MACF1: variants seen among roughly 807,000 people sequenced by gnomAD.
MACF1 encodes microtubule actin crosslinking factor 1.
A neutral mutation model predicts 854.8 loss-of-function variants in MACF1; 193 were observed. That is an observed-to-expected ratio of 0.23 (90% CI 0.20 to 0.25). The LOEUF (loss-of-function observed/expected upper bound fraction) is 0.25. Ranked by LOEUF, MACF1 falls within the 10% of genes least tolerant of loss-of-function variation. The probability of loss-of-function intolerance (pLI) is 1.00; values close to 1 mark genes in which losing one functional copy is unlikely to be tolerated. For missense variants in MACF1, 7,722 were observed against 8,929.1 expected (o/e 0.86, Z 5.45); for synonymous variants, 3,185 against 3,226.7 (o/e 0.99, Z 0.44).
chr1:39,379,273 T>C lies in MACF1; in HGVS notation c.13347T>C (p.His4449=), dbSNP rs772417377. 1 of 1,613,522 alleles carries C rather than the reference T, an allele frequency of 6.2e-7. No homozygotes were observed. Among genetic ancestry groups the C allele is most frequent in the Non-Finnish European group, 8.5e-7 (1 of 1,179,808 alleles). Residue 4449 remains histidine (H), a synonymous_variant, in exon 54 of 101, where the codon CAT becomes CAC. Coordinates refer to ENST00000564288, the MANE Select transcript of MACF1 (RefSeq NM_001394062.1). ...ATGAGAAACTAGGGGGAGTACTTCATGAACGCCAGGAAAGCCTTCAGGCTA... is the reference window on the plus strand; with the variant it reads ...ATGAGAAACTAGGGGGAGTACTTCACGAACGCCAGGAAAGCCTTCAGGCTA... The part of the protein sequence containing the change: ...LKYEKLGGVL[H]ERQESLQAIL...
chr1:39,466,712 C>A (rs772936808), intron 95 of MACF1, among the ~76,000 whole-genome samples: 1 of 152,192 alleles, frequency 6.6e-6, no homozygotes, highest in Admixed American at 6.5e-5. Context: ...CTCACAGAGC[C>A]TGGGGGGCAG....
intron 2 of MACF1, among the ~76,000 whole-genome samples, chr1:39,093,924 G>T (rs574796486): frequency 6.6e-6 from 1 of 152,076 alleles, no homozygotes; most frequent in East Asian, 2.0e-4. Context: ...GATTACAGGC[G>T]TGCGCCACCA....
rs1644905849 is a variant in MACF1 at position 39,477,069 on chromosome 1, A to ATATATACACACACATATATACACTTAGTG, written c.21959-2723_21959-2722insCACACACATATATACACTTAGTGTATATA. The stretch of plus-strand genomic sequence containing the variant: ...TGTATATATATATATATATATATAT[A>ATATATACACACACATATATACACTTAGTG]TATATATATATATATATATATACAC... On this transcript the variant is annotated intron_variant, in intron 97 of 100. Transcript: ENST00000564288. 3.4e-4 allele frequency among the ~76,000 whole-genome samples: 6 copies of ATATATACACACACATATATACACTTAGTG among 17,480 alleles called. 1 individual carries two copies. Among genetic ancestry groups the ATATATACACACACATATATACACTTAGTG allele is most frequent in the African/African-American group, 1.6e-3 (5 of 3,096 alleles). 11.5% of individuals were successfully genotyped at this position (17,480 alleles called of 152,430 possible). A position where few individuals can be genotyped will look rare whatever the true frequency, so the allele number is the denominator to read the frequency against.
chr1:39,132,503 C>T (rs1643027323), intron 2 of MACF1, among the ~76,000 whole-genome samples: 1 of 152,030 alleles, frequency 6.6e-6, no homozygotes, highest in African/African-American at 2.4e-5. Flanking sequence ...ACAGGATGGC[C>T]CTGCTTGGAA....
At chr1:39,404,853 A>G (rs1642631923) in intron 58 of MACF1, among the ~76,000 whole-genome samples, 1 of 152,132 alleles carries the variant, frequency 6.6e-6, no homozygotes, top group African/African-American at 2.4e-5. Flanking sequence ...CCATCTCTGT[A>G]TATCTGAAAT....
intron 58 of MACF1, among the ~76,000 whole-genome samples, chr1:39,389,604 C>T (rs919459486): frequency 6.6e-6 from 1 of 152,000 alleles, no homozygotes. Context: ...AAGTGATCCA[C>T]CCGCCCTAGC....
At chr1:39,324,104 T>C (rs2148457190) in intron 33 of MACF1, 89 bp from the exon 34 acceptor site, 2 of 1,351,070 alleles carry the variant, frequency 1.5e-6, no homozygotes, top group Admixed American at 5.0e-5. Context: ...GTATCTGTTT[T>C]TAGGAAGACT....
At chr1:39,429,199 G>T in intron 63 of MACF1, 43 bp from the exon 64 acceptor site, 1 of 994,902 alleles carries the variant, frequency 1.0e-6, no homozygotes, top group Non-Finnish European at 1.6e-6. Flanking sequence ...TGTTTCATTT[G>T]TAGTGCCACA....
At position 39,333,753 on chromosome 1, in the gene MACF1, A is replaced by G; in HGVS notation, c.7165A>G (p.Thr2389Ala). ...ACTGTGCTCTGTAAAGGATGCAGTT[A>G]CAGTTGGACTTCTTGACAAGGAAAC... ...QTLCSVKDAV[T>A]VGLLDKETAT... Residue 2389 changes from threonine to alanine, a missense_variant, in exon 37 of 101, where the codon ACA becomes GCA. Thr to Ala is a moderately conservative substitution (Grantham distance 58). Coordinates refer to ENST00000564288, the MANE Select transcript of MACF1 (RefSeq NM_001394062.1). 6.2e-7 allele frequency: 1 copy of G among 1,614,208 alleles called. No homozygotes were observed.
At chr1:39,098,266 T>C (rs1285686112) in intron 2 of MACF1, among the ~76,000 whole-genome samples, 4 of 152,250 alleles carry the variant, frequency 2.6e-5, no homozygotes, top group Non-Finnish European at 5.9e-5. Flanking sequence ...TCTTACATGC[T>C]GTATTTGACC....
At position 39,331,780 on chromosome 1, in the gene MACF1, A is replaced by C. The variant is rs751952475; in HGVS notation, c.5192A>C (p.Lys1731Thr). The stretch of plus-strand genomic sequence containing the variant: ...TCAGGATTCAAATTACTGCCTGTCA[A>C]ACAATTGGCAGGGGGGATGGTGAGC... ...QESGFKLLPV[K>T]QLAGGMVSLK... Residue 1731 changes from lysine to threonine, a missense_variant, in exon 37 of 101, where the codon AAA becomes ACA. This residue lies in a region of MACF1 where 1,531 missense variants were observed against 1,601.6 expected (regional missense o/e 0.96). Coordinates refer to ENST00000564288, the MANE Select transcript of MACF1 (RefSeq NM_001394062.1). 7 of 1,614,162 alleles carry C rather than the reference A, an allele frequency of 4.3e-6. No individual in the cohort carries two copies. Among genetic ancestry groups the C allele is most frequent in the Non-Finnish European group, 5.9e-6 (7 of 1,180,032 alleles).
In MACF1 at chr1:39,486,485, T is replaced by TG. The variant is rs1268046918; in HGVS notation, c.*695dup. 1 of 152,610 alleles carries TG rather than the reference T, an allele frequency of 6.6e-6. No homozygotes were observed. Among genetic ancestry groups the TG allele is most frequent in the Non-Finnish European group, 1.5e-5 (1 of 68,034 alleles). 9.5% of individuals were successfully genotyped at this position (152,610 alleles called of 1,614,324 possible). ...AGTGTTCAGAAAACGTCAGAACATT[T>TG]GGGGTTTTAAACTGATTTGTTGCTC... On this transcript the variant is annotated 3_prime_UTR_variant, in exon 101 of 101. Coordinates refer to ENST00000564288, the MANE Select transcript of MACF1 (RefSeq NM_001394062.1).
At chr1:39,147,375 CCTTTCCTTCCCCTT>C (rs914087811) in intron 2 of MACF1, among the ~76,000 whole-genome samples, 7 of 144,682 alleles carry the variant, frequency 4.8e-5, no homozygotes, top group Non-Finnish European at 7.5e-5. Context: ...TTTTCTCTTT[CCTTTCCTTCCCCTT>C]CTTTCCTTCC....
chr1:39,127,910 ACT>A (rs1230578507), intron 2 of MACF1, among the ~76,000 whole-genome samples: 2 of 152,110 alleles, frequency 1.3e-5, no homozygotes, highest in African/African-American at 4.8e-5. Flanking sequence ...TGTTTATGTA[ACT>A]CTCTTTTGTA....
At chr1:39,379,176 AT>A in intron 53 of MACF1, 26 bp from the exon 54 acceptor site, 1 of 1,544,764 alleles carries the variant, frequency 6.5e-7, no homozygotes. Context: ...GCTGTCTCCA[AT>A]CTGATTTCTG....
chr1:39,300,093 C>T (rs748764033), intron 21 of MACF1, 117 bp from the exon 22 acceptor site: 109 of 996,302 alleles, frequency 1.1e-4, no homozygotes, highest in Non-Finnish European at 1.5e-4. Flanking sequence ...ACCAACCATC[C>T]CTACTTAACT....
At chr1:39,223,002 A>G (rs76204241) in intron 1 of MACF1, among the ~76,000 whole-genome samples, 3,507 of 152,298 alleles carry the variant, frequency 0.023, 84 homozygotes, top group East Asian at 0.13. Context: ...TTCTCCTAGT[A>G]GAGTAGGACA....
chr1:39,391,125 A>G (rs1387474796), intron 58 of MACF1, among the ~76,000 whole-genome samples: 1 of 150,850 alleles, frequency 6.6e-6, no homozygotes, highest in Admixed American at 6.6e-5. Flanking sequence ...AAAAAAAAAC[A>G]CACAAAATAG....
Position 39,477,073 on chromosome 1 carries a change from A to ATATACACACACACATATATACACTTAGTG in MACF1, c.21959-2721_21959-2720insCACACACACATATATACACTTAGTGTATA, listed in dbSNP as rs1553457850. ...TATATATATATATATATATATATAT[A>ATATACACACACACATATATACACTTAGTG]TATATATATATATATATACACACAC... On this transcript the variant is annotated intron_variant, in intron 97 of 100. Coordinates refer to ENST00000564288, the MANE Select transcript of MACF1 (RefSeq NM_001394062.1). 7.7e-4 allele frequency among the ~76,000 whole-genome samples: 29 copies of ATATACACACACACATATATACACTTAGTG among 37,858 alleles called. 1 individual carries two copies. The highest frequency in any genetic ancestry group is 4.2e-4 in the Non-Finnish European group (10 of 23,650). The allele number at this position is 37,858 out of a possible 152,430, so 24.8% of individuals were successfully genotyped here.
Sources: gnomAD v4.1 joint callset for allele counts (sites outside exome capture counted in the v4.1 genomes callset) on GRCh38, gnomAD v4.1.1 for gene constraint, gnomAD v4.1.1 regional missense constraint, MANE v1.5 for transcripts, NCBI Gene and HGNC (gene_info 2026-07-23, HGNC 2026-07-21) for gene names.